STARD13: variants seen among roughly 807,000 people sequenced by gnomAD.
The protein encoded by STARD13 is stAR-related lipid transfer protein 13.
In STARD13, 62 loss-of-function variants were observed where a neutral mutation model predicts 106.4. The observed-to-expected ratio is 0.58, with a 90% CI of 0.48 to 0.72. The LOEUF (loss-of-function observed/expected upper bound fraction) is 0.72, where lower values mean the gene tolerates loss of function less well. Ranked by LOEUF, STARD13 falls within the 30% of genes least tolerant of loss-of-function variation. STARD13 has a pLI of 0.00. For synonymous variants in STARD13, 565 were observed against 553.0 expected (o/e 1.02, Z -0.31); for missense variants, 1,387 against 1,424.0 (o/e 0.97, Z 0.42).
chr13:33,231,425 G>C (rs1038835193), intron 1 of STARD13, among the ~76,000 whole-genome samples: 99 of 152,228 alleles, frequency 6.5e-4, no homozygotes, highest in African/African-American at 2.3e-3. Flanking sequence ...CGTAGTCCTG[G>C]GACTCCTATA....
chr13:33,627,570 G>A, the STARD13 span, among the ~76,000 whole-genome samples: 1 of 151,892 alleles, frequency 6.6e-6, no homozygotes, highest in East Asian at 1.9e-4. Context: ...CTGGGAGGTG[G>A]AGGTTGCAGT....
rs569600262 is a variant in STARD13 at position 33,129,780 on chromosome 13, C to G, written c.897G>C (p.Lys299Asn). The part of the protein sequence containing the change: ...PMLQQEPESF[K>N]AMQCIQIPNG... Reference sequence around the variant, plus strand: ...TTGGTATTTGGATGCACTGCATAGCCTTAAAGGACTCTGGCTCCTGCTGCA... The same window carrying G: ...TTGGTATTTGGATGCACTGCATAGCGTTAAAGGACTCTGGCTCCTGCTGCA... The change falls in exon 5 of 14, where the codon AAG (lysine) becomes AAC (asparagine). Residue 299 changes from lysine (K) to asparagine (N), a missense_variant. Coordinates refer to ENST00000336934, the MANE Select transcript of STARD13 (RefSeq NM_178006.4). The G allele has an allele frequency of 4.0e-5, 65 of 1,614,038 alleles. No homozygotes were observed. The East Asian group carries it at 1.3e-3, about 33-fold the overall frequency.
the STARD13 span, among the ~76,000 whole-genome samples, chr13:33,460,258 C>A: frequency 6.6e-6 from 1 of 151,646 alleles, no homozygotes; most frequent in African/African-American, 2.4e-5. Context: ...GAGGCCAAGG[C>A]AGGCAGATCA....
intron 1 of STARD13, among the ~76,000 whole-genome samples, chr13:33,292,933 A>T (rs1461220045): frequency 6.6e-6 from 1 of 151,608 alleles, no homozygotes; most frequent in Non-Finnish European, 1.5e-5. Context: ...TGCACAATCT[A>T]GTCCCTGCCA....
chr13:33,508,660 C>T, the STARD13 span, among the ~76,000 whole-genome samples: 3 of 152,170 alleles, frequency 2.0e-5, no homozygotes, highest in East Asian at 1.9e-4. Context: ...GGAGGACTGC[C>T]CCATTCCTGG....
the STARD13 span, among the ~76,000 whole-genome samples, chr13:33,358,510 C>T: frequency 6.6e-6 from 1 of 152,154 alleles, no homozygotes; most frequent in African/African-American, 2.4e-5. Context: ...CCAATCAGCA[C>T]CCTGTGTTTA....
At chr13:33,655,020 A>G in the STARD13 span, among the ~76,000 whole-genome samples, 30 of 152,228 alleles carry the variant, frequency 2.0e-4, no homozygotes, top group Non-Finnish European at 7.3e-5. Flanking sequence ...AGGTGTGTTA[A>G]GAACTAGATA....
chr13:33,290,543 A>G (rs1198239953), upstream of STARD13, among the ~76,000 whole-genome samples: 1 of 152,254 alleles, frequency 6.6e-6, no homozygotes, highest in Admixed American at 6.5e-5. Context: ...AGCTTGGTCC[A>G]GATCAGCTTT....
At chr13:33,521,992 A>G in the STARD13 span, among the ~76,000 whole-genome samples, 8 of 152,076 alleles carry the variant, frequency 5.3e-5, no homozygotes, top group Non-Finnish European at 1.2e-4. Context: ...TTTCCTTTTT[A>G]ACTTTCATTG....
chr13:33,390,809 C>T, the STARD13 span, among the ~76,000 whole-genome samples: 3 of 152,126 alleles, frequency 2.0e-5, no homozygotes, highest in Non-Finnish European at 2.9e-5. Flanking sequence ...ACATTTTGCA[C>T]ACTGGGCCAG....
the STARD13 span, among the ~76,000 whole-genome samples, chr13:33,652,588 A>G: frequency 6.6e-6 from 1 of 152,220 alleles, no homozygotes; most frequent in Non-Finnish European, 1.5e-5. Context: ...TTCCCAAACC[A>G]TTATTGTCTT....
At chr13:33,634,646 T>G in the STARD13 span, among the ~76,000 whole-genome samples, 2 of 152,198 alleles carry the variant, frequency 1.3e-5, no homozygotes, top group African/African-American at 2.4e-5. Context: ...TTCTATGTTG[T>G]ACCAGAACTG....
chr13:33,411,102 G>A, the STARD13 span, among the ~76,000 whole-genome samples: 12 of 152,074 alleles, frequency 7.9e-5, no homozygotes, highest in African/African-American at 2.9e-4. Context: ...TGTAATATTT[G>A]ACTTCTTCAA....
At chr13:33,513,668 A>C in the STARD13 span, among the ~76,000 whole-genome samples, 1 of 152,140 alleles carries the variant, frequency 6.6e-6, no homozygotes, top group African/African-American at 2.4e-5. Flanking sequence ...TCATGCTCAC[A>C]AAGTTTAGAT....
intron 7 of STARD13, among the ~76,000 whole-genome samples, chr13:33,118,834 A>G (rs564320296): frequency 2.6e-5 from 4 of 152,340 alleles, no homozygotes; most frequent in South Asian, 2.1e-4. Flanking sequence ...TCATAAGTAC[A>G]TATTTTGATT....
At chr13:33,364,430 T>C in the STARD13 span, among the ~76,000 whole-genome samples, 4 of 152,138 alleles carry the variant, frequency 2.6e-5, no homozygotes, top group Non-Finnish European at 5.9e-5. Context: ...AAAAATGAAA[T>C]GGGTTACTCT....
At chr13:33,617,462 C>G in the STARD13 span, among the ~76,000 whole-genome samples, 3 of 152,212 alleles carry the variant, frequency 2.0e-5, no homozygotes, top group Non-Finnish European at 4.4e-5. Context: ...ATTACACTCA[C>G]ACTGTACTAC....
intron 4 of STARD13, among the ~76,000 whole-genome samples, chr13:33,140,057 T>C (rs1879608912): frequency 6.6e-6 from 1 of 152,226 alleles, no homozygotes; most frequent in Non-Finnish European, 1.5e-5. Context: ...AGATGCGATA[T>C]AAAGACTACA....
chr13:33,154,009 G>A (rs1399290404), intron 3 of STARD13, among the ~76,000 whole-genome samples: 2 of 152,188 alleles, frequency 1.3e-5, no homozygotes, highest in East Asian at 3.8e-4. Flanking sequence ...GTAGCTGCAG[G>A]GCATGGGAAA....
Sources: gnomAD v4.1 joint callset for allele counts (sites outside exome capture counted in the v4.1 genomes callset) on GRCh38, gnomAD v4.1.1 for gene constraint, MANE v1.5 for transcripts, NCBI Gene and HGNC (gene_info 2026-07-23, HGNC 2026-07-21) for gene names.